Variants in PTPRE observed in about 807,000 individuals in gnomAD.
PTPRE encodes receptor-type tyrosine-protein phosphatase epsilon.
A neutral mutation model predicts 102.0 loss-of-function variants in PTPRE; 51 were observed. The observed-to-expected ratio is 0.50, with a 90% CI of 0.40 to 0.63. PTPRE has a LOEUF of 0.63. PTPRE is among the 30% of genes least tolerant of loss of function. PTPRE has a pLI of 0.00. For synonymous variants in PTPRE, 345 were observed against 348.2 expected, an observed-to-expected ratio of 0.99 and a Z score of 0.10; for missense variants, 752 against 915.1, an observed-to-expected ratio of 0.82 and a Z score of 2.30.
chr10:128,007,645 C>T (rs1363962787), intron 2 of PTPRE, among the ~76,000 whole-genome samples: 1 of 152,214 alleles, frequency 6.6e-6, no homozygotes, highest in Non-Finnish European at 1.5e-5. Flanking sequence ...TGGTTGCTTT[C>T]ACACTGCTGG....
intron 1 of PTPRE, among the ~76,000 whole-genome samples, chr10:127,960,823 A>T (rs1254904269): frequency 6.6e-6 from 1 of 152,046 alleles, no homozygotes; most frequent in African/African-American, 2.4e-5. Context: ...GGAGATCAAG[A>T]CCATCCTAAC....
intron 2 of PTPRE, among the ~76,000 whole-genome samples, chr10:128,035,267 A>G (rs984501060): frequency 4.3e-5 from 6 of 139,770 alleles, no homozygotes; most frequent in Admixed American, 1.5e-4. Flanking sequence ...TTAAAAACAT[A>G]TATATGTATA....
At chr10:127,933,789 G>A (rs1168989600) in intron 1 of PTPRE, among the ~76,000 whole-genome samples, 1 of 152,178 alleles carries the variant, frequency 6.6e-6, no homozygotes, top group Non-Finnish European at 1.5e-5. Context: ...CCAGGTGGCA[G>A]AGTGGAAGAG....
At chr10:127,951,083 AT>A (rs1186526106) in intron 1 of PTPRE, among the ~76,000 whole-genome samples, 4 of 152,016 alleles carry the variant, frequency 2.6e-5, no homozygotes, top group Non-Finnish European at 5.9e-5. Context: ...TCTCAAAAAA[AT>A]AAAAATAAAT....
intron 3 of PTPRE, 95 bp from the exon 4 acceptor site, chr10:128,047,295 G>T: frequency 1.4e-6 from 2 of 1,477,520 alleles, no homozygotes; most frequent in Non-Finnish European, 9.0e-7. Flanking sequence ...ATAGTTTGGG[G>T]TTCTGGTGTC....
At chr10:128,082,230 G>A (rs1851791730) in intron 20 of PTPRE, among the ~76,000 whole-genome samples, 1 of 108,926 alleles carries the variant, frequency 9.2e-6, no homozygotes, top group Admixed American at 1.1e-4. Context: ...TTTTGAGACA[G>A]GGTCTCACTC....
At chr10:127,973,221 G>A (rs1489992958) in intron 1 of PTPRE, among the ~76,000 whole-genome samples, 1 of 152,126 alleles carries the variant, frequency 6.6e-6, no homozygotes, top group Non-Finnish European at 1.5e-5. Context: ...CAGTGGTGGG[G>A]AAAAAATAGG....
chr10:127,912,920 CTCTG>C (rs1379174897), intron 1 of PTPRE, among the ~76,000 whole-genome samples: 1 of 152,244 alleles, frequency 6.6e-6, no homozygotes, highest in Non-Finnish European at 1.5e-5. Flanking sequence ...CATGATTTTA[CTCTG>C]TCTGAATACC....
intron 1 of PTPRE, among the ~76,000 whole-genome samples, chr10:127,939,993 TAGAC>T (rs1848118901): frequency 8.2e-6 from 1 of 121,476 alleles, no homozygotes; most frequent in Non-Finnish European, 1.7e-5. Context: ...GAGGCAGGAA[TAGAC>T]AGGAAGAGGC....
chr10:127,970,919 A>C (rs1274408432), intron 1 of PTPRE, among the ~76,000 whole-genome samples: 1 of 152,108 alleles, frequency 6.6e-6, no homozygotes, highest in African/African-American at 2.4e-5. Context: ...CCATCCCTCC[A>C]GGTTAAATTT....
At chr10:127,997,482 T>C (rs1410984590) in intron 2 of PTPRE, among the ~76,000 whole-genome samples, 1 of 152,138 alleles carries the variant, frequency 6.6e-6, no homozygotes, top group Non-Finnish European at 1.5e-5. Context: ...ACTTGAATAG[T>C]ACATCCTTCA....
At chr10:128,007,060 C>G (rs1439682836) in intron 2 of PTPRE, among the ~76,000 whole-genome samples, 2 of 152,136 alleles carry the variant, frequency 1.3e-5, no homozygotes, top group Admixed American at 1.3e-4. Context: ...ACCTGATTTT[C>G]TAGAAGATTG....
intron 2 of PTPRE, among the ~76,000 whole-genome samples, chr10:128,010,509 A>C (rs1844890739): frequency 6.8e-6 from 1 of 146,276 alleles, no homozygotes; most frequent in Admixed American, 6.8e-5. Context: ...TCTCCTCTCA[A>C]CTTTAGATCC....
intron 5 of PTPRE, 114 bp downstream of exon 5, chr10:128,047,951 A>T (rs1469316487): frequency 7.6e-6 from 8 of 1,048,628 alleles, no homozygotes; most frequent in Middle Eastern, 2.8e-4. Context: ...GTGCCTTGCC[A>T]CTTTCATCTC....
At chr10:128,072,007 C>G in intron 15 of PTPRE, 131 bp from the exon 16 acceptor site, 1 of 666,950 alleles carries the variant, frequency 1.5e-6, no homozygotes, top group East Asian at 2.8e-5. Flanking sequence ...ATAACGTAAA[C>G]TTTCCAAAGA....
At chr10:127,914,563 A>C (rs896083078) in intron 1 of PTPRE, among the ~76,000 whole-genome samples, 2 of 152,248 alleles carry the variant, frequency 1.3e-5, no homozygotes, top group African/African-American at 4.8e-5. Flanking sequence ...TGGGGAAGAC[A>C]AAGTAAATCC....
chr10:128,070,042 C>T lies in PTPRE; in HGVS notation c.1143+215C>T. 1 of 727,738 alleles carries T rather than the reference C, an allele frequency of 1.4e-6. No individual in the cohort carries two copies. 45.1% of individuals were successfully genotyped at this position (727,738 alleles called of 1,614,324 possible). Reference sequence around the variant, plus strand: ...CCTCGTATCCTCATGTGAGATGGGGCAATCCTACTCCCCCAAACGGTGCAT... The same window carrying T: ...CCTCGTATCCTCATGTGAGATGGGGTAATCCTACTCCCCCAAACGGTGCAT... On this transcript the variant is annotated intron_variant, in intron 13 of 20. Coordinates refer to ENST00000254667, the MANE Select transcript of PTPRE (RefSeq NM_006504.6). This position sits in a 1 kb window ranked among gnomAD's most constrained non-coding sequence, Gnocchi z 4.8.
intron 1 of PTPRE, among the ~76,000 whole-genome samples, chr10:127,929,983 A>C (rs1454887843): frequency 6.7e-6 from 1 of 149,146 alleles, no homozygotes; most frequent in Non-Finnish European, 1.5e-5. Flanking sequence ...CTTGAACCCG[A>C]GAGGCGAGGT....
chr10:128,003,519 AAAAG>A (rs1322050037), intron 2 of PTPRE, among the ~76,000 whole-genome samples: 1 of 152,236 alleles, frequency 6.6e-6, no homozygotes, highest in African/African-American at 2.4e-5. Flanking sequence ...AAAAAGAAAA[AAAAG>A]AAAGTAGCAT....
Sources: allele counts gnomAD v4.1 joint callset (sites outside exome capture counted in the v4.1 genomes callset), GRCh38; gene constraint gnomAD v4.1.1; non-coding constraint Gnocchi (gnomAD v3.1); transcripts MANE v1.5; gene names NCBI Gene and HGNC (gene_info 2026-07-23, HGNC 2026-07-21).